PTPRZ1: variants seen among roughly 807,000 people sequenced by gnomAD.
PTPRZ1 encodes protein tyrosine phosphatase receptor type Z1, also known as receptor-type tyrosine-protein phosphatase zeta.
Under a neutral mutation model 214.1 loss-of-function variants are expected in PTPRZ1, and 82 were observed. The ratio of observed to expected loss-of-function variants is 0.38; its 90% CI spans 0.32 to 0.46. The LOEUF (loss-of-function observed/expected upper bound fraction) is 0.46, where lower values mean the gene tolerates loss of function less well. Among genes scored for constraint, PTPRZ1 ranks in the 20% least tolerant of loss-of-function variants. The pLI is 1.00. For missense variants in PTPRZ1, 2,603 were observed against 2,748.7 expected (o/e 0.95, Z 1.19); for synonymous variants, 945 against 987.9 (o/e 0.96, Z 0.81).
chr7:121,968,265 G>A, intron 3 of PTPRZ1, 135 bp downstream of exon 3: 1 of 661,976 alleles, frequency 1.5e-6, no homozygotes, highest in Non-Finnish European at 2.3e-6. Context: ...AAACCAAATG[G>A]AGCAGAGAAA....
At chr7:122,041,007 C>A in intron 21 of PTPRZ1, 28 bp downstream of exon 21, 1 of 1,439,402 alleles carries the variant, frequency 6.9e-7, no homozygotes, top group Non-Finnish European at 9.2e-7. Context: ...GCCTCTAAAC[C>A]CATAGAATTG....
chr7:122,024,884 G>A (rs1167733096), intron 13 of PTPRZ1, among the ~76,000 whole-genome samples: 1 of 151,992 alleles, frequency 6.6e-6, no homozygotes, highest in African/African-American at 2.4e-5. Context: ...ATCCTCTATC[G>A]ATCCATCTGC....
At chr7:121,916,322 C>T (rs1229554142) in intron 1 of PTPRZ1, among the ~76,000 whole-genome samples, 23 of 150,556 alleles carry the variant, frequency 1.5e-4, no homozygotes, top group Admixed American at 1.5e-3. Context: ...ACCATTATCA[C>T]ATTAGACAGT....
chr7:121,923,164 TG>T (rs1410321226), intron 1 of PTPRZ1, among the ~76,000 whole-genome samples: 1 of 152,206 alleles, frequency 6.6e-6, no homozygotes, highest in Non-Finnish European at 1.5e-5. Context: ...TTCTTCTACC[TG>T]GAACATTCAG....
chr7:122,045,683 TACACACACAC>T (rs71172161), intron 23 of PTPRZ1, among the ~76,000 whole-genome samples: 67 of 146,608 alleles, frequency 4.6e-4, no homozygotes, highest in Admixed American at 2.1e-3. Context: ...CTAAATAAAT[TACACACACAC>T]ACACACACAC....
chr7:121,914,416 G>T (rs902186442), intron 1 of PTPRZ1, among the ~76,000 whole-genome samples: 1 of 152,096 alleles, frequency 6.6e-6, no homozygotes, highest in East Asian at 1.9e-4. Flanking sequence ...GTATAGAAAA[G>T]GTTCCTCTGC....
At chr7:122,041,482 C>G (rs1297070565) in intron 21 of PTPRZ1, among the ~76,000 whole-genome samples, 1 of 147,816 alleles carries the variant, frequency 6.8e-6, no homozygotes, top group African/African-American at 2.5e-5. Context: ...TTTTCATTTT[C>G]TTGAGTTTTA....
chr7:121,873,428 C>T lies in PTPRZ1; in HGVS notation c.-72C>T, dbSNP rs751362. Reference sequence around the variant, plus strand: ...AACAAACAAACAAAAAAAACATTTCCTTCGCTCCCCCTCCCTCTCCACTCT... The same window carrying T: ...AACAAACAAACAAAAAAAACATTTCTTTCGCTCCCCCTCCCTCTCCACTCT... On this transcript the variant is annotated 5_prime_UTR_variant, in exon 1 of 30. Transcript: ENST00000393386. 3 of 1,508,304 alleles carry T rather than the reference C, an allele frequency of 2.0e-6. No homozygotes were observed. The highest frequency in any genetic ancestry group is 1.4e-5 in the African/African-American group (1 of 72,478). 93.4% of individuals were successfully genotyped at this position (1,508,304 alleles called of 1,614,324 possible).
intron 4 of PTPRZ1, among the ~76,000 whole-genome samples, chr7:121,975,480 C>A (rs1363917882): frequency 6.6e-6 from 1 of 152,146 alleles, no homozygotes; most frequent in Non-Finnish European, 1.5e-5. Context: ...TCGCCCAAAG[C>A]AGGAGCCACT....
chr7:121,984,095 A>C lies in PTPRZ1; in HGVS notation c.906A>C (p.Gly302=). The change falls in exon 8 of 30, where the codon GGA becomes GGC. Residue 302 remains glycine, a synonymous_variant. Transcript: ENST00000393386. ...FSRQVFSSYT[G]KEEIHEAVCS... ...GACAGGTGTTTTCCTCATACACTGG[A>C]AAGGAAGAGATTCATGAAGCAGGTA... 1.2e-6 allele frequency: 2 copies of C among 1,613,198 alleles called. No homozygotes were observed. Among genetic ancestry groups the C allele is most frequent in the Non-Finnish European group, 1.7e-6 (2 of 1,179,518 alleles).
chr7:121,885,142 A>G (rs914902308), intron 1 of PTPRZ1, among the ~76,000 whole-genome samples: 2 of 152,214 alleles, frequency 1.3e-5, no homozygotes, highest in Non-Finnish European at 2.9e-5. Flanking sequence ...TAATTGGGTA[A>G]GTAGGAAAAG....
Position 121,904,275 on chromosome 7 carries a change from G to T in PTPRZ1, c.59-23881G>T, listed in dbSNP as rs201213448. Among the ~76,000 whole-genome samples the T allele has an allele frequency of 3.9e-5, 6 of 152,090 alleles. No homozygotes were observed. In the East Asian group the frequency reaches 9.7e-4, roughly 25 times the overall value. Reference sequence around the variant, plus strand: ...GTTTTTCAAGTATCTCACTCAGGAGGCTGGCTGCCAATCAAGGACACCCCA... The same window carrying T: ...GTTTTTCAAGTATCTCACTCAGGAGTCTGGCTGCCAATCAAGGACACCCCA... On this transcript the variant is annotated intron_variant, in intron 1 of 29. Transcript: ENST00000393386.
chr7:122,058,927 T>C lies in PTPRZ1; in HGVS notation c.6656T>C (p.Met2219Thr). 6.3e-7 allele frequency: 1 copy of C among 1,587,356 alleles called. No homozygotes were observed. Among genetic ancestry groups the C allele is most frequent in the Non-Finnish European group, 8.6e-7 (1 of 1,156,704 alleles). Residue 2219 changes from methionine (M) to threonine (T), a missense_variant, in exon 28 of 30, where the codon ATG becomes ACG. This residue lies in a region of PTPRZ1 where 165 missense variants were observed against 151.4 expected (regional missense o/e 1.09). Coordinates refer to ENST00000393386, the MANE Select transcript of PTPRZ1 (RefSeq NM_002851.3). ...GAAGCTGCCAATAGGGATGGGCCTA[T>C]GATTGTTCATGATGAGTAAGTTCCA... ...KEEAANRDGP[M>T]IVHDEHGGVT...
chr7:121,934,441 T>C (rs1796012502), intron 2 of PTPRZ1, among the ~76,000 whole-genome samples: 1 of 128,882 alleles, frequency 7.8e-6, no homozygotes. Flanking sequence ...TGAGCCGAGA[T>C]CGCGCCACTG....
chr7:121,881,466 T>G (rs1794236394), intron 1 of PTPRZ1, among the ~76,000 whole-genome samples: 1 of 152,148 alleles, frequency 6.6e-6, no homozygotes, highest in African/African-American at 2.4e-5. Context: ...TTCTTAAAAC[T>G]CTCCAGGTGA....
At chr7:122,046,882 G>T (rs1041242008) in intron 23 of PTPRZ1, among the ~76,000 whole-genome samples, 1 of 152,164 alleles carries the variant, frequency 6.6e-6, no homozygotes, top group Admixed American at 6.5e-5. Context: ...GTTCCTTGAA[G>T]CCTCGGAATT....
intron 2 of PTPRZ1, among the ~76,000 whole-genome samples, chr7:121,937,091 C>T (rs955544154): frequency 6.6e-6 from 1 of 152,190 alleles, no homozygotes; most frequent in Non-Finnish European, 1.5e-5. Flanking sequence ...TGTTATAGAG[C>T]TTCTAACTAC....
intron 3 of PTPRZ1, among the ~76,000 whole-genome samples, chr7:121,970,405 T>G (rs1238974649): frequency 6.6e-6 from 1 of 152,226 alleles, no homozygotes; most frequent in Non-Finnish European, 1.5e-5. Context: ...TGAACTAGTT[T>G]ACAGTCCCAC....
In PTPRZ1 at chr7:121,873,210, A is replaced by G. The variant is rs915272083; in HGVS notation, c.-290A>G. 4.7e-6 allele frequency: 2 copies of G among 424,936 alleles called. No homozygotes were observed. Among genetic ancestry groups the G allele is most frequent in the African/African-American group, 2.0e-5 (1 of 48,974 alleles). 26.3% of individuals were successfully genotyped at this position (424,936 alleles called of 1,614,324 possible). A position where few individuals can be genotyped will look rare whatever the true frequency, so the allele number is the denominator to read the frequency against. ...AAAGAGGCAAAGTCCCGCACGCCGGAGGACATGCGCCTCGGCTAGCGGCCC... is the reference window on the plus strand; with the variant it reads ...AAAGAGGCAAAGTCCCGCACGCCGGGGGACATGCGCCTCGGCTAGCGGCCC... On this transcript the variant is annotated 5_prime_UTR_variant, in exon 1 of 30. Coordinates refer to ENST00000393386, the MANE Select transcript of PTPRZ1 (RefSeq NM_002851.3).
Sources: allele counts gnomAD v4.1 joint callset (sites outside exome capture counted in the v4.1 genomes callset), GRCh38; gene constraint gnomAD v4.1.1; regional missense constraint gnomAD v4.1.1; transcripts MANE v1.5; gene names NCBI Gene and HGNC (gene_info 2026-07-23, HGNC 2026-07-21).